Variants in PRRC2A observed in about 807,000 individuals in gnomAD.
PRRC2A encodes proline rich coiled-coil 2A.
Under a neutral mutation model 224.6 loss-of-function variants are expected in PRRC2A, and 59 were observed. The observed-to-expected ratio is 0.26, with a 90% confidence interval of 0.21 to 0.33. PRRC2A has a LOEUF of 0.33. PRRC2A is among the 10% of genes least tolerant of loss of function. PRRC2A has a pLI of 1.00. For synonymous variants in PRRC2A, 1,194 were observed against 1,109.5 expected (o/e 1.08, Z -1.51); for missense variants, 3,095 against 2,880.7 (o/e 1.07, Z -1.70).
chr6:31,624,137 A>T, intron 3 of PRRC2A, 124 bp from the exon 4 acceptor site: 1 of 1,174,620 alleles, frequency 8.5e-7, no homozygotes, highest in Non-Finnish European at 1.2e-6. Flanking sequence ...GGATGACAAA[A>T]TTAATTTGTC....
chr6:31,621,045 C>T (rs1374358840), intron 1 of PRRC2A, among the ~76,000 whole-genome samples, 187 bp downstream of exon 1: 4 of 152,212 alleles, frequency 2.6e-5, no homozygotes, highest in Non-Finnish European at 4.4e-5. Flanking sequence ...ACTCCGGGAC[C>T]CGCACCTCCG....
rs573053650 is a variant in PRRC2A at position 31,632,495 on chromosome 6, G to T, written c.3822G>T (p.Lys1274Asn). 12 of 1,607,530 alleles carry T rather than the reference G, an allele frequency of 7.5e-6. No homozygotes were observed. The Admixed American group carries it at 1.0e-4, about 13-fold the overall frequency. The stretch of plus-strand genomic sequence containing the variant: ...ATGCCGCAAGGGGGTCTGAGGGCAA[G>T]CCCTCCCTAACCCTTCCAGCCTCCG... ...RENAARGSEG[K>N]PSLTLPASAP... The change falls in exon 16 of 31, where the codon AAG becomes AAT. Residue 1274 changes from lysine to asparagine, a missense_variant. Transcript: ENST00000376033.
intron 1 of PRRC2A, among the ~76,000 whole-genome samples, chr6:31,621,626 C>T (rs1340800880): frequency 2.0e-5 from 3 of 152,164 alleles, no homozygotes; most frequent in South Asian, 2.1e-4. Context: ...AGATTGGCCT[C>T]CTCAAACACC....
At position 31,629,545 on chromosome 6, in the gene PRRC2A, T is replaced by G; in HGVS notation, c.1957-3T>G. The G allele has an allele frequency of 6.5e-7, 1 of 1,531,958 alleles. No individual in the cohort carries two copies. The highest frequency in any genetic ancestry group is 9.0e-7 in the Non-Finnish European group (1 of 1,106,840). 94.9% of individuals were successfully genotyped at this position (1,531,958 alleles called of 1,614,324 possible). A position where few individuals can be genotyped will look rare whatever the true frequency, so the allele number is the denominator to read the frequency against. On this transcript the variant is annotated splice_polypyrimidine_tract_variant and splice_region_variant and intron_variant, in intron 13 of 30. Coordinates refer to ENST00000376033, the MANE Select transcript of PRRC2A (RefSeq NM_004638.4). ...TCTCATCTTGTCTTTCCTCCTTTCC[T>G]AGGAGCAGCTCCTGAAGCAGCAGCA...
Position 31,625,648 on chromosome 6 carries a change from G to A in PRRC2A, c.759+37G>A. 1 of 1,604,968 alleles carries A rather than the reference G, an allele frequency of 6.2e-7. No homozygotes were observed. The highest frequency in any genetic ancestry group is 8.5e-7 in the Non-Finnish European group (1 of 1,174,504). On this transcript the variant is annotated intron_variant, in intron 7 of 30. Coordinates refer to ENST00000376033, the MANE Select transcript of PRRC2A (RefSeq NM_004638.4). The surrounding 1 kb of genome is among the most constrained non-coding windows in gnomAD (Gnocchi z 4.1). ...TGTCTTGTCTTGGAACGATTACACT[G>A]GAAGCTGGAGAGCTAGGAATCAGGA...
At chr6:31,633,766 G>A (rs1409725508) in intron 17 of PRRC2A, 93 bp from the exon 18 acceptor site, 1 of 1,529,976 alleles carries the variant, frequency 6.5e-7, no homozygotes, top group Non-Finnish European at 8.7e-7. Flanking sequence ...TCTGCAGGGA[G>A]CAAGGGTAGA....
chr6:31,622,863 C>G lies in PRRC2A; in HGVS notation c.74C>G (p.Thr25Arg), dbSNP rs749656693. Reference protein sequence around the residue: ...KKYSSLNLFDTYKGKSLEIQK... With the variant: ...KKYSSLNLFDRYKGKSLEIQK... ...TATTCCTCGCTCAACCTGTTTGATA[C>G]GTATAAGGGCAAGTCCTTAGAGATC... Residue 25 changes from threonine (T) to arginine (R), a missense_variant, in exon 2 of 31, where the codon ACG (threonine) becomes AGG (arginine). Physicochemically the swap from Thr to Arg is moderately conservative, Grantham distance 71. Coordinates refer to ENST00000376033, the MANE Select transcript of PRRC2A (RefSeq NM_004638.4). 4 of 1,613,802 alleles carry G rather than the reference C, an allele frequency of 2.5e-6. No individual in the cohort carries two copies. In the Admixed American group the frequency reaches 5.0e-5, roughly 20 times the overall value.
intron 1 of PRRC2A, among the ~76,000 whole-genome samples, chr6:31,621,227 G>A (rs556349364): frequency 3.8e-4 from 58 of 151,978 alleles, no homozygotes; most frequent in African/African-American, 1.4e-3. Context: ...GGCCGCGCCC[G>A]ACGGTTCTCT....
Position 31,632,913 on chromosome 6 carries a change from G to A in PRRC2A, c.4240G>A (p.Gly1414Arg). Residue 1414 changes from glycine (G) to arginine (R), a missense_variant, in exon 16 of 31, where the codon GGA (glycine) becomes AGA (arginine). By Grantham distance (125) the Gly-to-Arg change is moderately radical (BLOSUM62 -2). Transcript: ENST00000376033. ...TGGCAGCAGTGGCAGCAGCAGTGGA[G>A]GAGGCGGTGGGGGTCCTGGAGGAAG... Reference protein sequence around the residue: ...KAGSSGSSSGGGGGGPGGRTG... With the variant: ...KAGSSGSSSGRGGGGPGGRTG... 1 of 1,612,660 alleles carries A rather than the reference G, an allele frequency of 6.2e-7. No individual in the cohort carries two copies. Among genetic ancestry groups the A allele is most frequent in the Non-Finnish European group, 8.5e-7 (1 of 1,179,790 alleles).
At chr6:31,624,791 C>G (rs925457204) in intron 5 of PRRC2A, 1 of 559,578 alleles carries the variant, frequency 1.8e-6, no homozygotes, top group Admixed American at 3.2e-5. Context: ...TGGTACCTGT[C>G]AGAGCCTTCC....
In PRRC2A at chr6:31,637,026, AT is replaced by A. The variant is rs760506963; in HGVS notation, c.6148-9del. 10 of 1,595,208 alleles carry A rather than the reference AT, an allele frequency of 6.3e-6. No individual in the cohort carries two copies. The highest frequency in any genetic ancestry group is 1.1e-5 in the South Asian group (1 of 89,062). Reference sequence around the variant, plus strand: ...TGTATTTCAAGGTAGGCAGCTCATGATTTTTTTCCCCTCAGCTGCATCCAGT... The same window carrying A: ...TGTATTTCAAGGTAGGCAGCTCATGATTTTTTCCCCTCAGCTGCATCCAGT... On this transcript the variant is annotated splice_polypyrimidine_tract_variant and intron_variant, in intron 28 of 30. Transcript: ENST00000376033.
intron 17 of PRRC2A, 87 bp from the exon 18 acceptor site, chr6:31,633,772 G>A: frequency 6.5e-7 from 1 of 1,531,392 alleles, no homozygotes; most frequent in Non-Finnish European, 8.7e-7. Flanking sequence ...GGGAGCAAGG[G>A]TAGAAGAATT....
Position 31,630,804 on chromosome 6 carries a change from G to A in PRRC2A, c.2465+3G>A. 1 of 1,613,798 alleles carries A rather than the reference G, an allele frequency of 6.2e-7. No homozygotes were observed. Among genetic ancestry groups the A allele is most frequent in the South Asian group, 1.1e-5 (1 of 91,004 alleles). On this transcript the variant is annotated splice_donor_region_variant and intron_variant, in intron 15 of 30. Coordinates refer to ENST00000376033, the MANE Select transcript of PRRC2A (RefSeq NM_004638.4). The stretch of plus-strand genomic sequence containing the variant: ...GATGAGGATGACAAGGGGATGAGGT[G>A]AGTCTTGGTCATGAGAAATGGGTGA...
Position 31,634,216 on chromosome 6 carries a change from C to T in PRRC2A, c.4720-20C>T, listed in dbSNP as rs1289164368. On this transcript the variant is annotated intron_variant, in intron 18 of 30. Coordinates refer to ENST00000376033, the MANE Select transcript of PRRC2A (RefSeq NM_004638.4). ...TTCCCACCCAATTCATGTTTTGCTTCTGGCCCTTCTCATCTGTAGGAATCT... is the reference window on the plus strand; with the variant it reads ...TTCCCACCCAATTCATGTTTTGCTTTTGGCCCTTCTCATCTGTAGGAATCT... 3 of 1,578,186 alleles carry T rather than the reference C, an allele frequency of 1.9e-6. No homozygotes were observed. Among genetic ancestry groups the T allele is most frequent in the Admixed American group, 2.0e-5 (1 of 48,858 alleles).
chr6:31,634,452 G>T lies in PRRC2A; in HGVS notation c.4850-20G>T. On this transcript the variant is annotated intron_variant, in intron 19 of 30. Coordinates refer to ENST00000376033, the MANE Select transcript of PRRC2A (RefSeq NM_004638.4). Reference sequence around the variant, plus strand: ...CTGTCATCTCCTCACTTCTCTTCTGGTTGGTGCTCCCTTCTCCAGCCACTA... The same window carrying T: ...CTGTCATCTCCTCACTTCTCTTCTGTTTGGTGCTCCCTTCTCCAGCCACTA... 6.2e-7 allele frequency: 1 copy of T among 1,612,782 alleles called. No homozygotes were observed. The highest frequency in any genetic ancestry group is 1.7e-5 in the Admixed American group (1 of 60,000).
At chr6:31,628,879 A>T (rs912359076) in intron 12 of PRRC2A, 1 of 460,232 alleles carries the variant, frequency 2.2e-6, no homozygotes, top group Non-Finnish European at 3.8e-6. Context: ...CATAAATAAA[A>T]ATGAAAACTA....
rs749714340 is a variant in PRRC2A, at chr6:31,629,867, G to A, written c.2254+22G>A. ...TCTGGTAAGGGGGCATGGGAGGAGT[G>A]AGAAACAGGAAAGTCCCCTCAGTCT... On this transcript the variant is annotated intron_variant, in intron 14 of 30. Coordinates refer to ENST00000376033, the MANE Select transcript of PRRC2A (RefSeq NM_004638.4). The A allele has an allele frequency of 3.1e-6, 5 of 1,611,798 alleles. No individual in the cohort carries two copies. The African/African-American group carries it at 5.3e-5, about 17-fold the overall frequency.
rs371684285 is a variant in PRRC2A at position 31,635,271 on chromosome 6, A to T, written c.5300A>T (p.Lys1767Met). 7 of 1,613,968 alleles carry T rather than the reference A, an allele frequency of 4.3e-6. No homozygotes were observed. The African/African-American group carries it at 9.3e-5, about 22-fold the overall frequency. The change falls in exon 22 of 31, where the codon AAG (lysine) becomes ATG (methionine). Residue 1767 changes from lysine (K) to methionine (M), a missense_variant and splice_region_variant. This residue lies in a region of PRRC2A where 662 missense variants were observed against 609.5 expected (regional missense o/e 1.09). Transcript: ENST00000376033. ...CCAGTCCAGTTTGGCACTAGTGACA[A>T]GGTCTGTGTGGGCTGGATCTGGGTA... ...GPPVQFGTSD[K>M]DSDLRLVVGD...
intron 12 of PRRC2A, chr6:31,628,884 A>G (rs1375304650): frequency 4.3e-6 from 2 of 467,228 alleles, no homozygotes; most frequent in Non-Finnish European, 7.5e-6. Context: ...ATAAAAATGA[A>G]AACTATTTCC....
Sources: gnomAD v4.1 joint callset for allele counts (sites outside exome capture counted in the v4.1 genomes callset) on GRCh38, gnomAD v4.1.1 for gene constraint, gnomAD v4.1.1 regional missense constraint, Gnocchi (gnomAD v3.1) non-coding constraint, MANE v1.5 for transcripts, NCBI Gene and HGNC (gene_info 2026-07-23, HGNC 2026-07-21) for gene names.